The following QSOX2 variants were observed in gnomAD, a reference collection of about 807,000 sequenced individuals.
The protein encoded by QSOX2 is quiescin sulfhydryl oxidase 2, also known as sulfhydryl oxidase 2.
Under a neutral mutation model 61.7 loss-of-function variants are expected in QSOX2, and 46 were observed. The observed-to-expected ratio is 0.75, with a 90% CI of 0.59 to 0.95. The LOEUF is 0.95. Among genes scored for constraint, QSOX2 ranks in the 40% least tolerant of loss-of-function variants. The pLI is 0.00. For missense variants in QSOX2, 879 were observed against 918.9 expected, an observed-to-expected ratio of 0.96 and a Z score of 0.56; for synonymous variants, 383 against 388.4, an observed-to-expected ratio of 0.99 and a Z score of 0.16.
chr9:136,245,344 G>T, intron 1 of QSOX2, 132 bp downstream of exon 1: 1 of 758,052 alleles, frequency 1.3e-6, no homozygotes, highest in Non-Finnish European at 2.0e-6. Context: ...TGTGGGGCAG[G>T]GACTGGCTCT....
intron 1 of QSOX2, among the ~76,000 whole-genome samples, chr9:136,233,708 C>T (rs573949240): frequency 2.6e-5 from 4 of 152,306 alleles, no homozygotes; most frequent in East Asian, 3.9e-4. Flanking sequence ...TGAGACGAAT[C>T]GTGCAGCAAC....
chr9:136,237,725 C>T (rs1225988501), intron 1 of QSOX2, among the ~76,000 whole-genome samples: 2 of 151,592 alleles, frequency 1.3e-5, no homozygotes, highest in Non-Finnish European at 2.9e-5. Flanking sequence ...GGGCCGGCGT[C>T]ACCTGGAGCC....
rs769744648 is a variant in QSOX2, at chr9:136,223,822, G to A, written c.616C>T (p.Arg206Cys). 4.0e-5 allele frequency: 64 copies of A among 1,614,044 alleles called. No individual in the cohort carries two copies. Among genetic ancestry groups the A allele is most frequent in the Middle Eastern group, 1.6e-4 (1 of 6,062 alleles). The change falls in exon 5 of 12, where the codon CGT becomes TGT. Residue 206 changes from arginine to cysteine, a missense_variant. Coordinates refer to ENST00000358701, the MANE Select transcript of QSOX2 (RefSeq NM_181701.4). This position sits in a 1 kb window ranked among gnomAD's most constrained non-coding sequence, Gnocchi z 4.4. ...PSDVLSLLDN[R>C]GSHYVAIVFE... ...ACAATAGCCACGTAATGGCTGCCAC[G>A]GTTGTCAAGAAGGGAAAGAACATCA...
chr9:136,218,832 AG>A, intron 7 of QSOX2, 24 bp from the exon 8 acceptor site: 1 of 1,607,902 alleles, frequency 6.2e-7, no homozygotes, highest in Non-Finnish European at 8.5e-7. Flanking sequence ...TGGCAGCGTC[AG>A]GGAATGCCCA....
At chr9:136,227,419 A>C (rs1830292554) in intron 1 of QSOX2, among the ~76,000 whole-genome samples, 1 of 152,170 alleles carries the variant, frequency 6.6e-6, no homozygotes, top group South Asian at 2.1e-4. Flanking sequence ...TGGAACACCT[A>C]TGCCATTTTG....
At chr9:136,213,600 T>C (rs1831875018) in intron 10 of QSOX2, among the ~76,000 whole-genome samples, 1 of 150,446 alleles carries the variant, frequency 6.6e-6, no homozygotes, top group Non-Finnish European at 1.5e-5. Flanking sequence ...AGTAATCCAA[T>C]ATCACCTTGA....
In QSOX2 at chr9:136,208,863, A is replaced by G; in HGVS notation, c.1962T>C (p.Val654=). The G allele has an allele frequency of 6.2e-7, 1 of 1,613,980 alleles. No individual in the cohort carries two copies. The highest frequency in any genetic ancestry group is 1.3e-5 in the African/African-American group (1 of 75,040). Residue 654 remains valine, a synonymous_variant, in exon 12 of 12, where the codon GTT becomes GTC. Coordinates refer to ENST00000358701, the MANE Select transcript of QSOX2 (RefSeq NM_181701.4). ...GACTCATGTCCAGGCTGGAGAAGTC[A>G]ACCCCGAGGAAGGGTGCGGCCCCGC... ...EVGGAAPFLG[V]DFSSLDMSLC...
At chr9:136,236,635 T>A (rs1160729621) in intron 1 of QSOX2, among the ~76,000 whole-genome samples, 2 of 152,124 alleles carry the variant, frequency 1.3e-5, no homozygotes, top group Admixed American at 1.3e-4. Flanking sequence ...AAATACCGGG[T>A]GAATTCCCAG....
At chr9:136,211,062 A>C (rs1831837713) in intron 11 of QSOX2, among the ~76,000 whole-genome samples, 1 of 145,282 alleles carries the variant, frequency 6.9e-6, no homozygotes, top group Non-Finnish European at 1.5e-5. Flanking sequence ...GCATCTAGAA[A>C]GCCGGGGACA....
chr9:136,240,435 T>C (rs193081101), intron 1 of QSOX2, among the ~76,000 whole-genome samples: 2 of 152,298 alleles, frequency 1.3e-5, no homozygotes, highest in Admixed American at 1.3e-4. Context: ...TCTCCCAAGT[T>C]GAAAGGCAAC....
intron 1 of QSOX2, among the ~76,000 whole-genome samples, chr9:136,242,345 T>C (rs1254018789): frequency 6.6e-6 from 1 of 152,232 alleles, no homozygotes; most frequent in African/African-American, 2.4e-5. Flanking sequence ...AACCATCCTC[T>C]CCAGCAGCCA....
At chr9:136,218,426 A>G (rs1831938859) in intron 8 of QSOX2, among the ~76,000 whole-genome samples, 1 of 152,062 alleles carries the variant, frequency 6.6e-6, no homozygotes, top group South Asian at 2.1e-4. Context: ...GGGCTTTTCC[A>G]GCAGGTGCTC....
chr9:136,210,730 A>T (rs1336184898), intron 11 of QSOX2: 1 of 985,118 alleles, frequency 1.0e-6, no homozygotes, highest in Non-Finnish European at 1.2e-6. Context: ...CTCTATTAAG[A>T]TTTCTCAGTG....
intron 3 of QSOX2, 30 bp from the exon 4 acceptor site, chr9:136,224,142 T>G: frequency 1.3e-6 from 2 of 1,560,444 alleles, no homozygotes; most frequent in Non-Finnish European, 1.8e-6. Flanking sequence ...GTCAGAGCTG[T>G]GTGTGCGGCT....
At chr9:136,215,424 G>A in intron 9 of QSOX2, 120 bp from the exon 10 acceptor site, 2 of 974,322 alleles carry the variant, frequency 2.1e-6, no homozygotes, top group Non-Finnish European at 3.0e-6. Flanking sequence ...GTTTACTGAA[G>A]CTGTATCAAC....
chr9:136,222,819 G>A lies in QSOX2; in HGVS notation c.676-878C>T, dbSNP rs958781368. ...ACACCTGCCTCTGGTCTGCGTGTGT[G>A]GAGGCCCCGCCCGAGACAGCAAGGG... is the stretch of plus-strand genomic sequence containing the variant. On this transcript the variant is annotated intron_variant, in intron 5 of 11. Transcript: ENST00000358701. This position sits in a 1 kb window ranked among gnomAD's most constrained non-coding sequence, Gnocchi z 6.9. Among the ~76,000 whole-genome samples the A allele has an allele frequency of 1.3e-5, 2 of 152,208 alleles. No homozygotes were observed. The highest frequency in any genetic ancestry group is 2.9e-5 in the Non-Finnish European group (2 of 68,024).
chr9:136,241,621 G>A (rs1243606472), intron 1 of QSOX2, among the ~76,000 whole-genome samples: 1 of 152,114 alleles, frequency 6.6e-6, no homozygotes, highest in Non-Finnish European at 1.5e-5. Flanking sequence ...CACCCATCCC[G>A]GCCTGTCACT....
At position 136,223,808 on chromosome 9, in the gene QSOX2, G is replaced by A. The variant is rs778988254; in HGVS notation, c.630C>T (p.Tyr210=). Residue 210 remains tyrosine (Y), a synonymous_variant, in exon 5 of 12, where the codon TAC becomes TAT. Coordinates refer to ENST00000358701, the MANE Select transcript of QSOX2 (RefSeq NM_181701.4). This position sits in a 1 kb window ranked among gnomAD's most constrained non-coding sequence, Gnocchi z 4.4. ...TGTTGCTTTCAAAGACAATAGCCAC[G>A]TAATGGCTGCCACGGTTGTCAAGAA... The part of the protein sequence containing the change: ...LSLLDNRGSH[Y]VAIVFESNSS... 13 of 1,613,966 alleles carry A rather than the reference G, an allele frequency of 8.1e-6. No individual in the cohort carries two copies. The highest frequency in any genetic ancestry group is 4.0e-5 in the African/African-American group (3 of 74,902).
At position 136,211,331 on chromosome 9, in the gene QSOX2, C is replaced by T. The variant is rs773018269; in HGVS notation, c.1482G>A (p.Val494=). 2 of 1,614,220 alleles carry T rather than the reference C, an allele frequency of 1.2e-6. No individual in the cohort carries two copies. Among genetic ancestry groups the T allele is most frequent in the Non-Finnish European group, 8.5e-7 (1 of 1,180,034 alleles). Residue 494 remains valine, a synonymous_variant, in exon 11 of 12, where the codon GTG becomes GTA. Coordinates refer to ENST00000358701, the MANE Select transcript of QSOX2 (RefSeq NM_181701.4). ...EEMAKESMDS[V]KTPDQAILWL... ...AGAGGATGGCTTGGTCTGGGGTTTT[C>T]ACCGAGTCCATGGATTCTTTAGCCA...
Sources: gnomAD v4.1 joint callset for allele counts (sites outside exome capture counted in the v4.1 genomes callset) on GRCh38, gnomAD v4.1.1 for gene constraint, Gnocchi (gnomAD v3.1) non-coding constraint, MANE v1.5 for transcripts, NCBI Gene and HGNC (gene_info 2026-07-23, HGNC 2026-07-21) for gene names.